RABGAP1L: variants seen among roughly 807,000 people sequenced by gnomAD.
RABGAP1L encodes the protein rab GTPase-activating protein 1-like.
Under a neutral mutation model 137.7 loss-of-function variants are expected in RABGAP1L, and 63 were observed. The observed-to-expected ratio is 0.46, with a 90% CI of 0.37 to 0.56. The LOEUF (loss-of-function observed/expected upper bound fraction) is 0.56, where lower values mean the gene tolerates loss of function less well. Among genes scored for constraint, RABGAP1L ranks in the 20% least tolerant of loss-of-function variants. The pLI, the probability that RABGAP1L is intolerant of heterozygous loss-of-function variation, is 0.00. For synonymous variants in RABGAP1L, 431 were observed against 433.7 expected, an observed-to-expected ratio of 0.99 and a Z score of 0.08; for missense variants, 1,095 against 1,244.0, an observed-to-expected ratio of 0.88 and a Z score of 1.80.
At chr1:174,505,210 T>C (rs771708372) in intron 13 of RABGAP1L, among the ~76,000 whole-genome samples, 8 of 152,182 alleles carry the variant, frequency 5.3e-5, no homozygotes, top group Non-Finnish European at 1.2e-4. Flanking sequence ...CTTTGACTCC[T>C]TGAGGAGCCT....
chr1:174,318,585 T>TTTCC (rs1491375935), intron 11 of RABGAP1L, among the ~76,000 whole-genome samples: 44 of 98,064 alleles, frequency 4.5e-4, no homozygotes, highest in South Asian at 1.9e-3. Context: ...GATTGTTTTC[T>TTTCC]TTCTTTCTTT....
intron 19 of RABGAP1L, among the ~76,000 whole-genome samples, chr1:174,836,800 A>G (rs763773906): frequency 9.2e-5 from 14 of 152,240 alleles, no homozygotes; most frequent in Non-Finnish European, 1.3e-4. Context: ...TCAGTTCCCT[A>G]TGCTGAACAC....
chr1:174,780,340 G>A (rs981860005), intron 18 of RABGAP1L, among the ~76,000 whole-genome samples: 1 of 151,964 alleles, frequency 6.6e-6, no homozygotes, highest in Non-Finnish European at 1.5e-5. Flanking sequence ...ACCTAAACTG[G>A]AAGTGGACTC....
At chr1:174,662,316 C>T (rs999214582) in intron 14 of RABGAP1L, among the ~76,000 whole-genome samples, 4 of 152,160 alleles carry the variant, frequency 2.6e-5, no homozygotes, top group Admixed American at 2.6e-4. Flanking sequence ...GTTAGTCAGG[C>T]TGATCTTGAA....
At chr1:174,938,903 A>G (rs939318150) in intron 19 of RABGAP1L, among the ~76,000 whole-genome samples, 1 of 152,174 alleles carries the variant, frequency 6.6e-6, no homozygotes, top group East Asian at 1.9e-4. Flanking sequence ...TTCCATAGAA[A>G]TGGGAACATA....
chr1:174,666,822 G>A lies in RABGAP1L; in HGVS notation c.1825-16700G>A, dbSNP rs183363444. 7.2e-5 allele frequency among the ~76,000 whole-genome samples: 11 copies of A among 152,150 alleles called. No individual in the cohort carries two copies. In the East Asian group the frequency reaches 2.1e-3, roughly 29 times the overall value. On this transcript the variant is annotated intron_variant, in intron 14 of 25. Transcript: ENST00000681986. Reference sequence around the variant, plus strand: ...AGAAAAGAGAATTGTAAATAAATGGGTATAATCTAGTTGGAAAACTAAAAA... The same window carrying A: ...AGAAAAGAGAATTGTAAATAAATGGATATAATCTAGTTGGAAAACTAAAAA...
At chr1:174,190,774 G>A (rs1169618030) in intron 1 of RABGAP1L, among the ~76,000 whole-genome samples, 2 of 152,286 alleles carry the variant, frequency 1.3e-5, no homozygotes, top group East Asian at 1.9e-4. Context: ...GCCTGTCTCC[G>A]CATTCAACAT....
At chr1:174,550,947 C>G (rs1253203621) in intron 13 of RABGAP1L, among the ~76,000 whole-genome samples, 1 of 121,042 alleles carries the variant, frequency 8.3e-6, no homozygotes, top group Non-Finnish European at 1.6e-5. Context: ...TATATATACA[C>G]ACATATATAT....
At chr1:174,529,483 A>G (rs1333928848) in intron 13 of RABGAP1L, among the ~76,000 whole-genome samples, 1 of 152,032 alleles carries the variant, frequency 6.6e-6, no homozygotes, top group Non-Finnish European at 1.5e-5. Context: ...TGGAGTTTTT[A>G]TGGGGATTTG....
At chr1:174,541,108 G>C (rs1179591507) in intron 13 of RABGAP1L, among the ~76,000 whole-genome samples, 1 of 152,098 alleles carries the variant, frequency 6.6e-6, no homozygotes, top group East Asian at 1.9e-4. Flanking sequence ...TATTGATGTA[G>C]AGGAATGCTT....
chr1:174,787,886 G>A (rs1043282695), intron 18 of RABGAP1L, among the ~76,000 whole-genome samples: 11 of 152,180 alleles, frequency 7.2e-5, no homozygotes, highest in African/African-American at 2.2e-4. Context: ...CCCAGGTACT[G>A]TAGGGAACTT....
intron 7 of RABGAP1L, among the ~76,000 whole-genome samples, chr1:174,254,732 T>C (rs1672980564): frequency 6.6e-6 from 1 of 152,216 alleles, no homozygotes; most frequent in Non-Finnish European, 1.5e-5. Flanking sequence ...TTATCCAGTC[T>C]GTCATTGATG....
At chr1:174,423,499 A>G (rs1375584958) in intron 13 of RABGAP1L, among the ~76,000 whole-genome samples, 3 of 152,164 alleles carry the variant, frequency 2.0e-5, no homozygotes, top group African/African-American at 4.8e-5. Flanking sequence ...AATGAACTGC[A>G]TAATATTTCC....
intron 7 of RABGAP1L, among the ~76,000 whole-genome samples, 157 bp downstream of exon 7, chr1:174,252,747 TG>T (rs1028733148): frequency 4.8e-4 from 46 of 96,430 alleles, no homozygotes; most frequent in Non-Finnish European, 6.8e-4. Flanking sequence ...TAGATGTAAC[TG>T]GTTTCATTGA....
At position 174,872,011 on chromosome 1, in the gene RABGAP1L, A is replaced by G. The variant is rs567199027; in HGVS notation, c.2340+60051A>G. Among the ~76,000 whole-genome samples, 39 of 152,330 alleles carry G rather than the reference A, an allele frequency of 2.6e-4. 1 individual carries two copies. Among genetic ancestry groups the G allele is most frequent in the African/African-American group, 7.9e-4 (33 of 41,582 alleles). On this transcript the variant is annotated intron_variant, in intron 19 of 25. Coordinates refer to ENST00000681986, the MANE Select transcript of RABGAP1L (RefSeq NM_001366446.1). ...GCTGAATTGTTAAAGAGTTGCATCT[A>G]TTCTTTCATAGTCTGGAATCTACCT...
chr1:174,480,034 G>GT (rs1404340532), intron 13 of RABGAP1L, among the ~76,000 whole-genome samples: 4 of 152,100 alleles, frequency 2.6e-5, no homozygotes, highest in Non-Finnish European at 5.9e-5. Context: ...CTAGTGAGTT[G>GT]TTTGTCATTT....
rs186271699 is a variant in RABGAP1L, at chr1:174,534,749, T to C, written c.1711-102626T>C. ...GAGTTCATGCCACTGCACTCCAGCTTGGATGACAGAGCGAAACTCTGTCTC... is the reference window on the plus strand; with the variant it reads ...GAGTTCATGCCACTGCACTCCAGCTCGGATGACAGAGCGAAACTCTGTCTC... On this transcript the variant is annotated intron_variant, in intron 13 of 25. Coordinates refer to ENST00000681986, the MANE Select transcript of RABGAP1L (RefSeq NM_001366446.1). Among the ~76,000 whole-genome samples, 445 of 121,662 alleles carry C rather than the reference T, an allele frequency of 3.7e-3. 2 individuals are homozygous for C. The highest frequency in any genetic ancestry group is 5.5e-3 in the Non-Finnish European group (347 of 62,650). 79.8% of individuals were successfully genotyped at this position (121,662 alleles called of 152,430 possible).
At chr1:174,926,377 T>C (rs1662844383) in intron 19 of RABGAP1L, among the ~76,000 whole-genome samples, 1 of 152,214 alleles carries the variant, frequency 6.6e-6, no homozygotes, top group African/African-American at 2.4e-5. Flanking sequence ...TATGGAAGAA[T>C]TGATATCTTC....
chr1:174,816,191 T>C (rs1204599179), intron 19 of RABGAP1L, among the ~76,000 whole-genome samples: 2 of 149,316 alleles, frequency 1.3e-5, no homozygotes, highest in African/African-American at 4.9e-5. Context: ...TTGCTCTTGT[T>C]GCCCAGGCTG....
Sources: allele counts gnomAD v4.1 joint callset (sites outside exome capture counted in the v4.1 genomes callset), GRCh38; gene constraint gnomAD v4.1.1; transcripts MANE v1.5; gene names NCBI Gene and HGNC (gene_info 2026-07-23, HGNC 2026-07-21).